BOK: variants seen among roughly 807,000 people sequenced by gnomAD.
BOK encodes the protein bcl-2-related ovarian killer protein.
BOK carries 20 observed loss-of-function variants against 18.3 expected under a neutral mutation model. The ratio of observed to expected loss-of-function variants is 1.09; its 90% CI spans 0.77 to 1.59. The LOEUF is 1.59. BOK is among the 40% of genes most tolerant of loss of function. The pLI, the probability that BOK is intolerant of heterozygous loss-of-function variation, is 0.00. For synonymous variants in BOK, 173 were observed against 142.4 expected, an observed-to-expected ratio of 1.21 and a Z score of -1.53; for missense variants, 348 against 307.9, an observed-to-expected ratio of 1.13 and a Z score of -0.97.
intron 2 of BOK, among the ~76,000 whole-genome samples, chr2:241,560,686 G>A (rs1323384049): frequency 6.6e-6 from 1 of 152,228 alleles, no homozygotes; most frequent in Non-Finnish European, 1.5e-5. Flanking sequence ...TCAGAAGGAG[G>A]GAGAGGTCTC....
Position 241,559,627 on chromosome 2 carries a change from C to A in BOK, c.144C>A (p.Leu48=). The A allele has an allele frequency of 2.1e-6, 3 of 1,443,842 alleles. No individual in the cohort carries two copies. Among genetic ancestry groups the A allele is most frequent in the Non-Finnish European group, 2.7e-6 (3 of 1,106,078 alleles). 89.4% of individuals were successfully genotyped at this position (1,443,842 alleles called of 1,614,324 possible). Residue 48 remains leucine, a synonymous_variant, in exon 2 of 5, where the codon CTC becomes CTA. Transcript: ENST00000318407. ...YVHARLLRAG[L]SWSAPERAAP... Reference sequence around the variant, plus strand: ...ACGCGCGGCTGCTGCGCGCCGGCCTCTCCTGGAGCGCGCCCGAGCGTGCCG... The same window carrying A: ...ACGCGCGGCTGCTGCGCGCCGGCCTATCCTGGAGCGCGCCCGAGCGTGCCG...
At chr2:241,560,206 T>C in intron 2 of BOK, 1 of 985,426 alleles carries the variant, frequency 1.0e-6, no homozygotes, top group Non-Finnish European at 1.2e-6. Flanking sequence ...TGAGGACATC[T>C]GGGGGTGCTC....
In BOK at chr2:241,572,737, G is replaced by T; in HGVS notation, c.*315G>T. 2.5e-6 allele frequency: 1 copy of T among 403,706 alleles called. No homozygotes were observed. Among genetic ancestry groups the T allele is most frequent in the Admixed American group, 3.6e-5 (1 of 27,772 alleles). The allele number at this position is 403,706 out of a possible 1,614,324, so 25.0% of individuals were successfully genotyped here. A position where few individuals can be genotyped will look rare whatever the true frequency, so the allele number is the denominator to read the frequency against. ...GGTCAACTCCCAGGCCTCAGATGCAGGGGCCCAGAACACCTGCTCTCACCT... is the reference window on the plus strand; with the variant it reads ...GGTCAACTCCCAGGCCTCAGATGCATGGGCCCAGAACACCTGCTCTCACCT... On this transcript the variant is annotated 3_prime_UTR_variant, in exon 5 of 5. Transcript: ENST00000318407.
At position 241,567,103 on chromosome 2, in the gene BOK, C is replaced by G. The variant is rs1370712685; in HGVS notation, c.350-3022C>G. Among the ~76,000 whole-genome samples the G allele has an allele frequency of 2.3e-5, 3 of 132,328 alleles. 1 individual carries two copies. The highest frequency in any genetic ancestry group is 4.8e-5 in the Non-Finnish European group (3 of 62,370). The allele number at this position is 132,328 out of a possible 152,430, so 86.8% of individuals were successfully genotyped here. A position where few individuals can be genotyped will look rare whatever the true frequency, so the allele number is the denominator to read the frequency against. On this transcript the variant is annotated intron_variant, in intron 3 of 4. Coordinates refer to ENST00000318407, the MANE Select transcript of BOK (RefSeq NM_032515.5). ...CTGTCTTTCTTTCCCATCCACCCCT[C>G]TGGAGTGGAAATGTTGCCATCACTC...
At chr2:241,557,978 T>C (rs1475710350), upstream of BOK, among the ~76,000 whole-genome samples, 1 of 150,644 alleles carries the variant, frequency 6.6e-6, no homozygotes, top group Non-Finnish European at 1.5e-5. Context: ...TTAGGCCAAG[T>C]TGGTTAATCC....
chr2:241,559,583 C>T lies in BOK; in HGVS notation c.100C>T (p.Leu34=), dbSNP rs932777394. ...GGAGCTGGTGGCCCAGGCCAAGGCGCTGGGCCGGGAGTACGTGCACGCGCG... is the reference window on the plus strand; with the variant it reads ...GGAGCTGGTGGCCCAGGCCAAGGCGTTGGGCCGGGAGTACGTGCACGCGCG... ...DKELVAQAKA[L]GREYVHARLL... The change falls in exon 2 of 5, where the codon CTG becomes TTG. Residue 34 remains leucine, a synonymous_variant. Transcript: ENST00000318407. 1 of 1,516,250 alleles carries T rather than the reference C, an allele frequency of 6.6e-7. No individual in the cohort carries two copies. Among genetic ancestry groups the T allele is most frequent in the Non-Finnish European group, 8.8e-7 (1 of 1,140,880 alleles). 93.9% of individuals were successfully genotyped at this position (1,516,250 alleles called of 1,614,324 possible).
chr2:241,556,974 G>A (rs987335228), upstream of BOK, among the ~76,000 whole-genome samples: 1 of 152,172 alleles, frequency 6.6e-6, no homozygotes, highest in Non-Finnish European at 1.5e-5. Context: ...GGTAAGTTGT[G>A]TATCATCTAA....
At position 241,572,761 on chromosome 2, in the gene BOK, C is replaced by T; in HGVS notation, c.*339C>T. ...AGGGGCCCAGAACACCTGCTCTCAC[C>T]TGAGCCCCAGGTGAAGGGGCCCGGG... is the stretch of plus-strand genomic sequence containing the variant. On this transcript the variant is annotated 3_prime_UTR_variant, in exon 5 of 5. Transcript: ENST00000318407. 1 of 321,444 alleles carries T rather than the reference C, an allele frequency of 3.1e-6. No homozygotes were observed. The highest frequency in any genetic ancestry group is 6.0e-6 in the Non-Finnish European group (1 of 167,552). The allele number at this position is 321,444 out of a possible 1,614,324, so 19.9% of individuals were successfully genotyped here.
intron 2 of BOK, among the ~76,000 whole-genome samples, chr2:241,560,659 A>AGT (rs1351180612): frequency 2.0e-5 from 3 of 152,026 alleles, no homozygotes; most frequent in African/African-American, 7.3e-5. Flanking sequence ...GAGGAGGTGG[A>AGT]GTCCCATCTG....
rs1198924322 is a variant in BOK, at chr2:241,562,820, C to T, written c.349+344C>T. On this transcript the variant is annotated intron_variant, in intron 3 of 4. Transcript: ENST00000318407. The surrounding 1 kb of genome is among the most constrained non-coding windows in gnomAD (Gnocchi z 4.5). ...GGCTGCCTGGTTTCCTGCAGGGGCCCCCGAGCGGGGCTTGGGCTTCTCACA... is the reference window on the plus strand; with the variant it reads ...GGCTGCCTGGTTTCCTGCAGGGGCCTCCGAGCGGGGCTTGGGCTTCTCACA... Among the ~76,000 whole-genome samples the T allele has an allele frequency of 6.6e-6, 1 of 152,160 alleles. No homozygotes were observed. The highest frequency in any genetic ancestry group is 2.4e-5 in the African/African-American group (1 of 41,426).
Position 241,572,431 on chromosome 2 carries a change from C to G in BOK, c.*9C>G, listed in dbSNP as rs770521351. ...TGCTGCCAGAGAGATGAGCTGCCCA[C>G]CTGGCAGTGGCCGCAGCCTGGCCCT... On this transcript the variant is annotated 3_prime_UTR_variant, in exon 5 of 5. Coordinates refer to ENST00000318407, the MANE Select transcript of BOK (RefSeq NM_032515.5). 11 of 1,594,106 alleles carry G rather than the reference C, an allele frequency of 6.9e-6. No individual in the cohort carries two copies. The highest frequency in any genetic ancestry group is 1.3e-5 in the African/African-American group (1 of 74,874).
Position 241,571,483 on chromosome 2 carries a change from G to A in BOK, c.514-814G>A, listed in dbSNP as rs538235165. 1.4e-4 allele frequency among the ~76,000 whole-genome samples: 21 copies of A among 152,324 alleles called. 1 individual carries two copies. In the South Asian group the frequency reaches 3.5e-3, roughly 26 times the overall value. ...TAGCATCTCGAGAGATTGAGGTCAC[G>A]TGGTCTGCGGGGGCTGTGGTCTCCT... On this transcript the variant is annotated intron_variant, in intron 4 of 4. Transcript: ENST00000318407.
chr2:241,564,510 T>A (rs557273022), intron 3 of BOK, among the ~76,000 whole-genome samples: 51 of 147,214 alleles, frequency 3.5e-4, no homozygotes, highest in African/African-American at 1.2e-3. Flanking sequence ...CAGACCTGAG[T>A]CGGCTGGGGG....
chr2:241,569,515 C>T (rs767075114), intron 3 of BOK, among the ~76,000 whole-genome samples: 14 of 152,230 alleles, frequency 9.2e-5, no homozygotes, highest in Non-Finnish European at 1.9e-4. Flanking sequence ...TTTCGTGTCT[C>T]TTATTATAAT....
chr2:241,571,213 C>T (rs1168095770), intron 4 of BOK, among the ~76,000 whole-genome samples: 1 of 150,106 alleles, frequency 6.7e-6, no homozygotes, highest in Non-Finnish European at 1.5e-5. Flanking sequence ...AGCCCCCGCC[C>T]TCCCGAGTGG....
rs193007395 is a variant in BOK at position 241,566,743 on chromosome 2, G to A, written c.350-3382G>A. 2.9e-4 allele frequency among the ~76,000 whole-genome samples: 26 copies of A among 89,614 alleles called. 8 individuals are homozygous for A. In the East Asian group the frequency reaches 0.013, roughly 46 times the overall value. 58.8% of individuals were successfully genotyped at this position (89,614 alleles called of 152,430 possible). A position where few individuals can be genotyped will look rare whatever the true frequency, so the allele number is the denominator to read the frequency against. On this transcript the variant is annotated intron_variant, in intron 3 of 4. Coordinates refer to ENST00000318407, the MANE Select transcript of BOK (RefSeq NM_032515.5). ...CCTGCCACCTCAACCTGTGAAATAC[G>A]CCAGACACAAAATGAACAAGCCGTG...
At position 241,572,448 on chromosome 2, in the gene BOK, C is replaced by T; in HGVS notation, c.*26C>T. On this transcript the variant is annotated 3_prime_UTR_variant, in exon 5 of 5. Transcript: ENST00000318407. ...GCTGCCCACCTGGCAGTGGCCGCAG[C>T]CTGGCCCTCTGGGCCCAACGCAGGA... 1 of 1,587,362 alleles carries T rather than the reference C, an allele frequency of 6.3e-7. No homozygotes were observed. The highest frequency in any genetic ancestry group is 8.5e-7 in the Non-Finnish European group (1 of 1,174,118).
At position 241,559,583 on chromosome 2, in the gene BOK, C is replaced by G; in HGVS notation, c.100C>G (p.Leu34Val). 4 of 1,516,250 alleles carry G rather than the reference C, an allele frequency of 2.6e-6. No individual in the cohort carries two copies. The highest frequency in any genetic ancestry group is 3.5e-6 in the Non-Finnish European group (4 of 1,140,880). The allele number at this position is 1,516,250 out of a possible 1,614,324, so 93.9% of individuals were successfully genotyped here. The change falls in exon 2 of 5, where the codon CTG becomes GTG. Residue 34 changes from leucine to valine, a missense_variant. By Grantham distance (32) the Leu-to-Val change is conservative. Transcript: ENST00000318407. Reference sequence around the variant, plus strand: ...GGAGCTGGTGGCCCAGGCCAAGGCGCTGGGCCGGGAGTACGTGCACGCGCG... The same window carrying G: ...GGAGCTGGTGGCCCAGGCCAAGGCGGTGGGCCGGGAGTACGTGCACGCGCG... ...DKELVAQAKA[L>V]GREYVHARLL...
At position 241,570,138 on chromosome 2, in the gene BOK, CA is replaced by C. The variant is rs1279930591; in HGVS notation, c.365del (p.Lys122ArgfsTer17). ...CTCTCCCTGCAGGCATCACGTGGGGCAAGGTGGTGTCCCTGTATGCGGTGGC... is the reference window on the plus strand; with the variant it reads ...CTCTCCCTGCAGGCATCACGTGGGGCAGGTGGTGTCCCTGTATGCGGTGGC... Reference protein sequence around the residue: ...HIFSAGITWGKVVSLYAVAAG... With the variant: ...HIFSAGITWGXVVSLYAVAAG... On this transcript the variant is annotated frameshift_variant, in exon 4 of 5. Transcript: ENST00000318407. LOFTEE classifies it high-confidence loss of function. The C allele has an allele frequency of 5.6e-6, 9 of 1,611,498 alleles. No individual in the cohort carries two copies. The highest frequency in any genetic ancestry group is 6.8e-6 in the Non-Finnish European group (8 of 1,179,352).
Sources: gnomAD v4.1 joint callset for allele counts (sites outside exome capture counted in the v4.1 genomes callset) on GRCh38, gnomAD v4.1.1 for gene constraint, Gnocchi (gnomAD v3.1) non-coding constraint, MANE v1.5 for transcripts, NCBI Gene and HGNC (gene_info 2026-07-23, HGNC 2026-07-21) for gene names.